The following TPH2 variants were observed in gnomAD, a reference collection of about 807,000 sequenced individuals.
TPH2 encodes tryptophan 5-hydroxylase 2.
In TPH2, 27 loss-of-function variants were observed where a neutral mutation model predicts 59.1. The ratio of observed to expected loss-of-function variants is 0.46; its 90% CI spans 0.34 to 0.63. The LOEUF (loss-of-function observed/expected upper bound fraction) is 0.63, where lower values mean the gene tolerates loss of function less well. Among genes scored for constraint, TPH2 ranks in the 30% least tolerant of loss-of-function variants. TPH2 has a pLI of 0.01. For missense variants in TPH2, 523 were observed against 588.3 expected, an observed-to-expected ratio of 0.89 and a Z score of 1.15; for synonymous variants, 220 against 210.5, an observed-to-expected ratio of 1.05 and a Z score of -0.39.
intron 7 of TPH2, among the ~76,000 whole-genome samples, chr12:71,981,016 A>G (rs928974269): frequency 1.3e-5 from 2 of 152,214 alleles, no homozygotes; most frequent in Non-Finnish European, 2.9e-5. Flanking sequence ...TTAGGGTTAT[A>G]ATTAGTGTGT....
At chr12:72,002,348 G>C (rs1592406737) in intron 8 of TPH2, among the ~76,000 whole-genome samples, 1 of 152,132 alleles carries the variant, frequency 6.6e-6, no homozygotes, top group East Asian at 1.9e-4. Flanking sequence ...GAGACAGAGA[G>C]AGACAGAAAG....
At chr12:71,950,509 A>G (rs1871316633) in intron 5 of TPH2, among the ~76,000 whole-genome samples, 1 of 152,052 alleles carries the variant, frequency 6.6e-6, no homozygotes, top group South Asian at 2.1e-4. Context: ...TGTGACTGGA[A>G]ATGGTGTTGT....
intron 7 of TPH2, among the ~76,000 whole-genome samples, chr12:71,988,260 T>C (rs1431528940): frequency 6.6e-6 from 1 of 152,200 alleles, no homozygotes; most frequent in Non-Finnish European, 1.5e-5. Flanking sequence ...TAAATGTCTC[T>C]TATTTCTTCA....
intron 6 of TPH2, among the ~76,000 whole-genome samples, chr12:71,977,054 A>G (rs1872139951): frequency 6.6e-6 from 1 of 152,058 alleles, no homozygotes; most frequent in African/African-American, 2.4e-5. Flanking sequence ...GTCTTTTTTT[A>G]TAATTATTAT....
In TPH2 at chr12:71,948,883, C is replaced by A. The variant is rs1173181411; in HGVS notation, c.541-705C>A. On this transcript the variant is annotated intron_variant, in intron 4 of 10. Coordinates refer to ENST00000333850, the MANE Select transcript of TPH2 (RefSeq NM_173353.4). ...AGATTTTTGGGTAAACCAAGAAGTCCTCTCTGAAGGATTTCACTTGACTGA... is the reference window on the plus strand; with the variant it reads ...AGATTTTTGGGTAAACCAAGAAGTCATCTCTGAAGGATTTCACTTGACTGA... Among the ~76,000 whole-genome samples the A allele has an allele frequency of 8.8e-4, 134 of 152,228 alleles. 1 individual carries two copies. The highest frequency in any genetic ancestry group is 1.5e-3 in the Non-Finnish European group (101 of 68,008).
intron 5 of TPH2, chr12:71,962,333 G>A: frequency 1.0e-6 from 1 of 985,404 alleles, no homozygotes; most frequent in Non-Finnish European, 1.2e-6. Context: ...ACAATGTTCA[G>A]CCAAGGAAAC....
At chr12:71,956,422 C>G (rs981191520) in intron 5 of TPH2, among the ~76,000 whole-genome samples, 1 of 135,442 alleles carries the variant, frequency 7.4e-6, no homozygotes, top group Non-Finnish European at 1.6e-5. Flanking sequence ...TTCCCTCTCT[C>G]CCTCCCTCCC....
At chr12:72,024,548 A>G (rs1264753909) in intron 9 of TPH2, among the ~76,000 whole-genome samples, 2 of 152,254 alleles carry the variant, frequency 1.3e-5, no homozygotes, top group Non-Finnish European at 2.9e-5. Context: ...AAGGGCATGC[A>G]CTCTATAGAG....
chr12:71,980,897 G>A (rs1298666272), intron 7 of TPH2, among the ~76,000 whole-genome samples: 1 of 152,234 alleles, frequency 6.6e-6, no homozygotes, highest in East Asian at 1.9e-4. Context: ...GGGCAGTGCA[G>A]TGGATTCAGA....
intron 8 of TPH2, among the ~76,000 whole-genome samples, chr12:72,008,972 C>T (rs1873027928): frequency 6.6e-6 from 1 of 152,088 alleles, no homozygotes. Context: ...TGTATGCCTG[C>T]ATCTTGCTTA....
At chr12:71,948,407 T>A (rs935327665) in intron 4 of TPH2, among the ~76,000 whole-genome samples, 9 of 152,116 alleles carry the variant, frequency 5.9e-5, no homozygotes. Context: ...GTAACTCTCT[T>A]GTCATTCCTG....
intron 2 of TPH2, among the ~76,000 whole-genome samples, chr12:71,942,441 T>C (rs574319358): frequency 3.9e-5 from 6 of 152,208 alleles, no homozygotes; most frequent in Admixed American, 1.3e-4. Flanking sequence ...TGCATTTTGT[T>C]TGGGGGCAGT....
At chr12:71,988,064 G>A (rs1728904762) in intron 7 of TPH2, among the ~76,000 whole-genome samples, 1 of 152,154 alleles carries the variant, frequency 6.6e-6, no homozygotes, top group Non-Finnish European at 1.5e-5. Flanking sequence ...CTATTATATT[G>A]CATGGTGCAG....
intron 8 of TPH2, among the ~76,000 whole-genome samples, chr12:72,002,728 A>G (rs1872857820): frequency 6.6e-6 from 1 of 151,902 alleles, no homozygotes. Context: ...CATTGTGAAC[A>G]TGACCAGACC....
At chr12:71,995,644 G>T (rs1194347887) in intron 8 of TPH2, among the ~76,000 whole-genome samples, 1 of 152,184 alleles carries the variant, frequency 6.6e-6, no homozygotes, top group Non-Finnish European at 1.5e-5. Flanking sequence ...TCTGGGGTCA[G>T]TATGGAGATG....
chr12:71,939,101 A>G lies in TPH2; in HGVS notation c.105+10A>G. 1 of 1,602,462 alleles carries G rather than the reference A, an allele frequency of 6.2e-7. No individual in the cohort carries two copies. ...ACTTGGCAGCTCAACAGTGAGTACT[A>G]CGTACCTGGCACTATGGAGAATTAT... On this transcript the variant is annotated intron_variant, in intron 1 of 10. Transcript: ENST00000333850.
chr12:71,961,807 A>G, intron 5 of TPH2: 1 of 1,194,170 alleles, frequency 8.4e-7, no homozygotes. Flanking sequence ...CAGGACAAAT[A>G]AAAACAAATA....
chr12:71,947,656 T>C (rs1038328576), intron 4 of TPH2, among the ~76,000 whole-genome samples: 1 of 152,114 alleles, frequency 6.6e-6, no homozygotes, highest in African/African-American at 2.4e-5. Context: ...CAGTTCAGAA[T>C]GGATGGCCAA....
intron 6 of TPH2, among the ~76,000 whole-genome samples, chr12:71,977,763 G>T (rs1592395356): frequency 6.6e-6 from 1 of 152,236 alleles, no homozygotes; most frequent in East Asian, 1.9e-4. Context: ...AGGACTCATT[G>T]TATGTGTGTA....
Sources: gnomAD v4.1 joint callset for allele counts (sites outside exome capture counted in the v4.1 genomes callset) on GRCh38, gnomAD v4.1.1 for gene constraint, MANE v1.5 for transcripts, NCBI Gene and HGNC (gene_info 2026-07-23, HGNC 2026-07-21) for gene names.